KAT14: variants seen among roughly 807,000 people sequenced by gnomAD.
KAT14 encodes lysine acetyltransferase 14, also known as cysteine-rich protein 2-binding protein.
Under a neutral mutation model 78.4 loss-of-function variants are expected in KAT14, and 66 were observed. The observed-to-expected ratio is 0.84, with a 90% CI of 0.69 to 1.03. The LOEUF is 1.03. KAT14 is among the 50% of genes least tolerant of loss of function. The pLI is 0.00. For missense variants in KAT14, 870 were observed against 972.5 expected (o/e 0.89, Z 1.40); for synonymous variants, 344 against 359.4 (o/e 0.96, Z 0.48).
At chr20:18,174,017 T>C (rs370167798) in intron 7 of KAT14, among the ~76,000 whole-genome samples, 33 of 152,342 alleles carry the variant, frequency 2.2e-4, no homozygotes, top group African/African-American at 7.5e-4. Flanking sequence ...ATGAATTGAC[T>C]TTCTGCCTCT....
chr20:18,161,972 G>T lies in KAT14; in HGVS notation c.832G>T (p.Ala278Ser), dbSNP rs753030276. ...KDIRRAQKEA[A>S]GFLDRSTSST... Reference sequence around the variant, plus strand: ...CATTAGAAGAGCCCAGAAGGAGGCCGCTGGCTTTCTTGACAGGAGCACATC... The same window carrying T: ...CATTAGAAGAGCCCAGAAGGAGGCCTCTGGCTTTCTTGACAGGAGCACATC... Residue 278 changes from alanine to serine, a missense_variant, in exon 6 of 11, where the codon GCT becomes TCT. Ala to Ser is a moderately conservative substitution (Grantham distance 99). Transcript: ENST00000688188. The T allele has an allele frequency of 6.2e-7, 1 of 1,614,152 alleles. No homozygotes were observed. The highest frequency in any genetic ancestry group is 8.5e-7 in the Non-Finnish European group (1 of 1,180,054).
chr20:18,159,404 C>T, intron 5 of KAT14, 139 bp downstream of exon 5: 1 of 877,916 alleles, frequency 1.1e-6, no homozygotes, highest in East Asian at 3.1e-5. Context: ...TCTGTGATGA[C>T]ACTTGTGTGT....
chr20:18,167,245 T>TA (rs1319591905), intron 7 of KAT14, among the ~76,000 whole-genome samples: 1 of 152,228 alleles, frequency 6.6e-6, no homozygotes, highest in Non-Finnish European at 1.5e-5. Flanking sequence ...GCGGGTTCTG[T>TA]AGTATAGATT....
upstream of KAT14, chr20:18,137,847 C>G: frequency 8.6e-7 from 1 of 1,169,554 alleles, no homozygotes; most frequent in Non-Finnish European, 1.1e-6. Flanking sequence ...GGCTGGGGCT[C>G]TGCGCTCGAG....
chr20:18,184,467 G>T, intron 9 of KAT14, 135 bp from the exon 10 acceptor site: 1 of 823,332 alleles, frequency 1.2e-6, no homozygotes, highest in Non-Finnish European at 1.8e-6. Context: ...TGGTCTCTAT[G>T]TTACCTCCAG....
chr20:18,141,601 TTGGCCGGGTGCAG>T (rs1359123814), intron 1 of KAT14, among the ~76,000 whole-genome samples: 1 of 152,220 alleles, frequency 6.6e-6, no homozygotes, highest in Non-Finnish European at 1.5e-5. Flanking sequence ...AAATTTAACA[TTGGCCGGGTGCAG>T]TGGCTCACGC....
At chr20:18,141,930 TTTCTG>T (rs1466366442) in intron 1 of KAT14, among the ~76,000 whole-genome samples, 1 of 152,188 alleles carries the variant, frequency 6.6e-6, no homozygotes, top group South Asian at 2.1e-4. Flanking sequence ...CAGTTTTTTT[TTTCTG>T]TTATTTCCCA....
intron 7 of KAT14, among the ~76,000 whole-genome samples, chr20:18,170,267 C>T (rs2038798154): frequency 6.6e-6 from 1 of 152,166 alleles, no homozygotes; most frequent in Non-Finnish European, 1.5e-5. Flanking sequence ...CTAGGACTTT[C>T]ATAGTTAGAG....
At chr20:18,160,415 A>G (rs1205231) in intron 5 of KAT14, among the ~76,000 whole-genome samples, 30,093 of 152,008 alleles carry the variant, frequency 0.2, 3,133 homozygotes, top group Non-Finnish European at 0.21. Context: ...TACTATTATG[A>G]GTTTTCCATT....
chr20:18,150,865 A>G lies in KAT14; in HGVS notation c.423A>G (p.Gly141=), dbSNP rs754014094. ...AMYNLSLEGS[G]RQGYFRWKED... ...ACAACTTGTCTCTGGAAGGAAGTGG[A>G]CGTCAAGGTTATTTCAGGTGGAAAG... Residue 141 remains glycine, a synonymous_variant, in exon 4 of 11, where the codon GGA becomes GGG. Transcript: ENST00000688188. 4.3e-6 allele frequency: 7 copies of G among 1,614,190 alleles called. No individual in the cohort carries two copies. Among genetic ancestry groups the G allele is most frequent in the Middle Eastern group, 3.3e-4 (2 of 6,062 alleles).
At chr20:18,164,336 C>G (rs191848772) in intron 7 of KAT14, among the ~76,000 whole-genome samples, 15 of 152,274 alleles carry the variant, frequency 9.9e-5, no homozygotes, top group Admixed American at 9.2e-4. Context: ...CTCCAGTCTT[C>G]TGCCCGTGGA....
chr20:18,144,917 T>A (rs1482703463), intron 2 of KAT14, among the ~76,000 whole-genome samples: 1 of 152,184 alleles, frequency 6.6e-6, no homozygotes, highest in East Asian at 1.9e-4. Context: ...CTCATATTTT[T>A]TGAAAGAATG....
chr20:18,178,959 G>C (rs2039150579), intron 7 of KAT14, among the ~76,000 whole-genome samples: 1 of 152,050 alleles, frequency 6.6e-6, no homozygotes, highest in South Asian at 2.1e-4. Flanking sequence ...GAGGGTACAG[G>C]TATTGGGTAA....
At chr20:18,157,433 G>T (rs989313744) in intron 4 of KAT14, among the ~76,000 whole-genome samples, 1 of 152,060 alleles carries the variant, frequency 6.6e-6, no homozygotes, top group Non-Finnish European at 1.5e-5. Context: ...ATGTTGCCCA[G>T]ACTTCTGTTT....
chr20:18,142,165 A>G (rs2037611521), intron 1 of KAT14, 43 bp from the exon 2 acceptor site: 1 of 1,520,186 alleles, frequency 6.6e-7, no homozygotes. Context: ...GATGGGGACC[A>G]CCTGTTCGGG....
rs1385388275 is a variant in KAT14, at chr20:18,161,917, G to A, written c.777G>A (p.Glu259=). Residue 259 remains glutamate (E), a synonymous_variant, in exon 6 of 11, where the codon GAG becomes GAA. Coordinates refer to ENST00000688188, the MANE Select transcript of KAT14 (RefSeq NM_001392073.1). The stretch of plus-strand genomic sequence containing the variant: ...TGGAATCTGCCATGGAATTAAAAGA[G>A]AAAAGGTCTCGAACTCAGGAAGCAA... ...NPVESAMELK[E]KRSRTQEAKD... is the part of the protein sequence containing the mutation. The A allele has an allele frequency of 1.2e-6, 2 of 1,614,230 alleles. No homozygotes were observed. Among genetic ancestry groups the A allele is most frequent in the African/African-American group, 1.3e-5 (1 of 75,062 alleles).
intron 7 of KAT14, among the ~76,000 whole-genome samples, chr20:18,176,470 A>G (rs1468981523): frequency 6.6e-6 from 1 of 152,188 alleles, no homozygotes; most frequent in East Asian, 1.9e-4. Flanking sequence ...ACGCGGGGAC[A>G]GTGATGTTAC....
intron 7 of KAT14, among the ~76,000 whole-genome samples, chr20:18,173,183 T>G (rs1014191309): frequency 7.2e-5 from 11 of 152,210 alleles, no homozygotes; most frequent in Admixed American, 5.2e-4. Context: ...GAGTTTTCTT[T>G]GATATTCACT....
chr20:18,162,859 A>C lies in KAT14; in HGVS notation c.1582A>C (p.Lys528Gln). 6.2e-7 allele frequency: 1 copy of C among 1,614,200 alleles called. No homozygotes were observed. Among genetic ancestry groups the C allele is most frequent in the Non-Finnish European group, 8.5e-7 (1 of 1,180,030 alleles). Residue 528 changes from lysine (K) to glutamine (Q), a missense_variant, in exon 7 of 11, where the codon AAA (lysine) becomes CAA (glutamine). By Grantham distance (53) the Lys-to-Gln change is moderately conservative. Coordinates refer to ENST00000688188, the MANE Select transcript of KAT14 (RefSeq NM_001392073.1). ...LLLVDGIYGA[K>Q]EGGISRLPAG... ...GTTAGTTGACGGGATTTATGGAGCC[A>C]AAGAAGGAGGAATTTCCAGACTTCC...
Sources: gnomAD v4.1 joint callset for allele counts (sites outside exome capture counted in the v4.1 genomes callset) on GRCh38, gnomAD v4.1.1 for gene constraint, MANE v1.5 for transcripts, NCBI Gene and HGNC (gene_info 2026-07-23, HGNC 2026-07-21) for gene names.